Variants in GAB1 observed in about 807,000 individuals in gnomAD.
GAB1 encodes GRB2 associated binding protein 1.
In GAB1, 19 loss-of-function variants were observed where a neutral mutation model predicts 66.5. The observed-to-expected ratio is 0.29, with a 90% CI of 0.20 to 0.42. The LOEUF is 0.42. Ranked by LOEUF, GAB1 falls within the 10% of genes least tolerant of loss-of-function variation. GAB1 has a pLI of 1.00. For synonymous variants in GAB1, 294 were observed against 301.4 expected (o/e 0.98, Z 0.25); for missense variants, 732 against 858.5 (o/e 0.85, Z 1.84).
intron 1 of GAB1, among the ~76,000 whole-genome samples, chr4:143,387,121 TTTG>T (rs28989227): frequency 6.6e-6 from 1 of 151,752 alleles, no homozygotes; most frequent in African/African-American, 2.4e-5. Flanking sequence ...TGATTGGTTT[TTTG>T]TTGTTGTTGT....
chr4:143,372,455 AG>A (rs773768584), intron 1 of GAB1, among the ~76,000 whole-genome samples: 27 of 152,330 alleles, frequency 1.8e-4, no homozygotes, highest in African/African-American at 6.3e-4. Flanking sequence ...ACATTGTAGT[AG>A]GTAGAGACAG....
chr4:143,361,658 C>T (rs1196341260), intron 1 of GAB1, among the ~76,000 whole-genome samples: 1 of 152,096 alleles, frequency 6.6e-6, no homozygotes, highest in African/African-American at 2.4e-5. Context: ...GATCATAGGC[C>T]CTGCATCTTG....
intron 6 of GAB1, among the ~76,000 whole-genome samples, chr4:143,447,028 C>T (rs1734593306): frequency 6.6e-6 from 1 of 152,038 alleles, no homozygotes; most frequent in Non-Finnish European, 1.5e-5. Context: ...GCCAGTTTTC[C>T]CAGCACCATT....
chr4:143,434,908 G>T (rs774091890), intron 3 of GAB1, among the ~76,000 whole-genome samples: 55 of 152,268 alleles, frequency 3.6e-4, no homozygotes, highest in Non-Finnish European at 6.2e-4. Flanking sequence ...GCAGAAAAAT[G>T]ATGATTGAGA....
In GAB1 at chr4:143,442,248, A is replaced by G. The variant is rs1249652160; in HGVS notation, c.1585+1866A>G. Among the ~76,000 whole-genome samples, 4 of 152,336 alleles carry G rather than the reference A, an allele frequency of 2.6e-5. No individual in the cohort carries two copies. In the East Asian group the frequency reaches 5.8e-4, roughly 22 times the overall value. On this transcript the variant is annotated intron_variant, in intron 6 of 9. Coordinates refer to ENST00000262994, the MANE Select transcript of GAB1 (RefSeq NM_002039.4). Reference sequence around the variant, plus strand: ...ACTGGTGCTTTCCTTATTTTCCAGTAACGAGTGCATGTTAGTGGCAGATCT... The same window carrying G: ...ACTGGTGCTTTCCTTATTTTCCAGTGACGAGTGCATGTTAGTGGCAGATCT...
chr4:143,373,019 A>G (rs1730203037), intron 1 of GAB1, among the ~76,000 whole-genome samples: 1 of 150,540 alleles, frequency 6.6e-6, no homozygotes, highest in South Asian at 2.1e-4. Context: ...TTAGTAACGC[A>G]TCTGAGGATT....
chr4:143,460,222 A>G (rs1438440423), intron 7 of GAB1, 142 bp from the exon 8 acceptor site: 1 of 676,288 alleles, frequency 1.5e-6, no homozygotes, highest in African/African-American at 1.8e-5. Context: ...AAATTACATC[A>G]TTATAAATGT....
At chr4:143,451,655 TTTTC>T (rs1191335876) in intron 6 of GAB1, among the ~76,000 whole-genome samples, 44 of 152,160 alleles carry the variant, frequency 2.9e-4, no homozygotes, top group Admixed American at 5.2e-4. Flanking sequence ...TAAAAATCAC[TTTTC>T]TTTCTCAGAG....
chr4:143,426,585 G>A (rs1733369325), intron 2 of GAB1, among the ~76,000 whole-genome samples: 1 of 152,108 alleles, frequency 6.6e-6, no homozygotes, highest in South Asian at 2.1e-4. Context: ...AGAGCGCTCA[G>A]TGAGTGTCTG....
Position 143,470,427 on chromosome 4 carries a change from C to G in GAB1, c.*1238C>G, listed in dbSNP as rs1736019863. On this transcript the variant is annotated 3_prime_UTR_variant, in exon 10 of 10. Transcript: ENST00000262994. Reference sequence around the variant, plus strand: ...GCCCCAATTCAAGAAATATTGGAGCCTTGCTACAATGTGAAATGTTATAGT... The same window carrying G: ...GCCCCAATTCAAGAAATATTGGAGCGTTGCTACAATGTGAAATGTTATAGT... The G allele has an allele frequency of 6.6e-6, 1 of 152,044 alleles. No homozygotes were observed. Among genetic ancestry groups the G allele is most frequent in the Non-Finnish European group, 1.5e-5 (1 of 68,012 alleles). The allele number at this position is 152,044 out of a possible 1,614,324, so 9.4% of individuals were successfully genotyped here.
chr4:143,345,979 G>T (rs28989193), intron 1 of GAB1, among the ~76,000 whole-genome samples: 9 of 152,092 alleles, frequency 5.9e-5, no homozygotes, highest in Non-Finnish European at 1.2e-4. Flanking sequence ...CTCTTGCCTC[G>T]TTGTAGTTTT....
At chr4:143,428,843 TG>T (rs1221745980) in intron 2 of GAB1, among the ~76,000 whole-genome samples, 2 of 109,404 alleles carry the variant, frequency 1.8e-5, no homozygotes, top group African/African-American at 7.2e-5. Flanking sequence ...CACCAGGGCC[TG>T]TTGTGGGGTG....
chr4:143,405,230 T>G (rs574306173), intron 1 of GAB1, among the ~76,000 whole-genome samples: 27 of 151,960 alleles, frequency 1.8e-4, no homozygotes, highest in Non-Finnish European at 2.8e-4. Flanking sequence ...TATGGATATA[T>G]AGAGAGAGAG....
At chr4:143,373,083 G>T (rs2149668463) in intron 1 of GAB1, among the ~76,000 whole-genome samples, 1 of 142,412 alleles carries the variant, frequency 7.0e-6, no homozygotes, top group East Asian at 2.0e-4. Flanking sequence ...ACACACATCT[G>T]TGTTACTTGA....
At chr4:143,449,851 T>C (rs1734812971) in intron 6 of GAB1, among the ~76,000 whole-genome samples, 1 of 152,150 alleles carries the variant, frequency 6.6e-6, no homozygotes, top group Admixed American at 6.5e-5. Context: ...AGCTGGTTAT[T>C]TTGCTCATTA....
At chr4:143,463,942 C>T (rs1023391081) in intron 8 of GAB1, among the ~76,000 whole-genome samples, 1 of 152,168 alleles carries the variant, frequency 6.6e-6, no homozygotes, top group Non-Finnish European at 1.5e-5. Flanking sequence ...GCAGGTCTTA[C>T]AAATTTATGC....
chr4:143,350,678 CA>C (rs34098103), intron 1 of GAB1, among the ~76,000 whole-genome samples: 38,584 of 88,528 alleles, frequency 0.44, 4,315 homozygotes, highest in East Asian at 0.59. Flanking sequence ...AACTCCGTCT[CA>C]AAAAAAAAAA....
At position 143,451,446 on chromosome 4, in the gene GAB1, G is replaced by T. The variant is rs1339438498; in HGVS notation, c.1586-7939G>T. Among the ~76,000 whole-genome samples, 3 of 152,156 alleles carry T rather than the reference G, an allele frequency of 2.0e-5. No homozygotes were observed. In the East Asian group the frequency reaches 5.8e-4, roughly 29 times the overall value. On this transcript the variant is annotated intron_variant, in intron 6 of 9. Coordinates refer to ENST00000262994, the MANE Select transcript of GAB1 (RefSeq NM_002039.4). ...ATAATGAGTTTGGACTTTATTCTGA[G>T]TGTACCATTAAAGAATTTTATGCAG... is the stretch of plus-strand genomic sequence containing the variant.
At chr4:143,431,616 G>A (rs912093398) in intron 2 of GAB1, among the ~76,000 whole-genome samples, 10 of 152,152 alleles carry the variant, frequency 6.6e-5, no homozygotes, top group Non-Finnish European at 1.5e-4. Context: ...GGGAGGAAGA[G>A]AATAAACAAA....
Sources: gnomAD v4.1 joint callset for allele counts (sites outside exome capture counted in the v4.1 genomes callset) on GRCh38, gnomAD v4.1.1 for gene constraint, MANE v1.5 for transcripts, NCBI Gene and HGNC (gene_info 2026-07-23, HGNC 2026-07-21) for gene names.